Variants in GRIA1 observed in about 807,000 individuals in gnomAD.
GRIA1 encodes glutamate ionotropic receptor AMPA type subunit 1.
A neutral mutation model predicts 99.2 loss-of-function variants in GRIA1; 31 were observed. That is an observed-to-expected ratio of 0.31 (90% CI 0.23 to 0.42). The LOEUF is 0.42. Among genes scored for constraint, GRIA1 ranks in the 10% least tolerant of loss-of-function variants. The probability of loss-of-function intolerance (pLI) is 1.00; values close to 1 mark genes in which losing one functional copy is unlikely to be tolerated. For synonymous variants in GRIA1, 438 were observed against 432.4 expected, an observed-to-expected ratio of 1.01 and a Z score of -0.16; for missense variants, 782 against 1,157.5, an observed-to-expected ratio of 0.68 and a Z score of 4.71.
chr5:153,760,526 A>T (rs1469717624), intron 11 of GRIA1, among the ~76,000 whole-genome samples: 2 of 152,144 alleles, frequency 1.3e-5, no homozygotes, highest in African/African-American at 4.8e-5. Flanking sequence ...GAAATTTAAG[A>T]GGACACAAGC....
At chr5:153,726,213 C>T (rs993275044) in intron 11 of GRIA1, among the ~76,000 whole-genome samples, 2 of 150,306 alleles carry the variant, frequency 1.3e-5, no homozygotes, top group Admixed American at 1.3e-4. Flanking sequence ...ACACAACATA[C>T]CAGAATCTCT....
intron 2 of GRIA1, among the ~76,000 whole-genome samples, chr5:153,540,921 T>C (rs1227509150): frequency 1.3e-5 from 2 of 152,176 alleles, no homozygotes; most frequent in African/African-American, 2.4e-5. Context: ...AACGTTGGTG[T>C]GGCTGGAGCT....
chr5:153,634,171 A>G (rs1029026355), intron 2 of GRIA1, among the ~76,000 whole-genome samples: 1 of 151,926 alleles, frequency 6.6e-6, no homozygotes, highest in Admixed American at 6.6e-5. Flanking sequence ...AAAAAAAATT[A>G]GCCAGTCGTG....
At chr5:153,589,850 G>A (rs561179398) in intron 2 of GRIA1, among the ~76,000 whole-genome samples, 2 of 152,256 alleles carry the variant, frequency 1.3e-5, no homozygotes, top group South Asian at 4.1e-4. Context: ...TATGGAAAAA[G>A]AGGGAAGATG....
chr5:153,736,517 C>A (rs961918159), intron 11 of GRIA1, among the ~76,000 whole-genome samples: 1 of 152,178 alleles, frequency 6.6e-6, no homozygotes, highest in African/African-American at 2.4e-5. Context: ...ATTCATAGTT[C>A]CTGTTTATCA....
chr5:153,618,670 A>G (rs1766743300), intron 2 of GRIA1, among the ~76,000 whole-genome samples: 1 of 152,212 alleles, frequency 6.6e-6, no homozygotes, highest in African/African-American at 2.4e-5. Flanking sequence ...AGGGAGTTAT[A>G]ATATGCACAA....
intron 11 of GRIA1, among the ~76,000 whole-genome samples, chr5:153,752,474 T>A (rs1762566339): frequency 6.6e-6 from 1 of 152,218 alleles, no homozygotes; most frequent in South Asian, 2.1e-4. Flanking sequence ...ATGATGATGA[T>A]GGCTTAACAG....
At chr5:153,606,131 G>A (rs1765416905) in intron 2 of GRIA1, among the ~76,000 whole-genome samples, 1 of 151,930 alleles carries the variant, frequency 6.6e-6, no homozygotes, top group African/African-American at 2.4e-5. Flanking sequence ...ATAGTATAGG[G>A]GTCTAGAATC....
At chr5:153,795,677 G>A (rs999836558) in intron 14 of GRIA1, 2 of 720,982 alleles carry the variant, frequency 2.8e-6, no homozygotes, top group Non-Finnish European at 4.7e-6. Context: ...GAGAGGCTTG[G>A]AGGCCTTAGA....
At chr5:153,625,024 AGAG>A (rs900335218) in intron 2 of GRIA1, among the ~76,000 whole-genome samples, 1 of 152,222 alleles carries the variant, frequency 6.6e-6, no homozygotes, top group Admixed American at 6.5e-5. Flanking sequence ...AAGTCAGCAC[AGAG>A]AAGATGCCTT....
At chr5:153,720,120 T>G (rs1759950380) in intron 11 of GRIA1, among the ~76,000 whole-genome samples, 1 of 152,222 alleles carries the variant, frequency 6.6e-6, no homozygotes, top group South Asian at 2.1e-4. Context: ...ATATAGTTTC[T>G]TATCTCATCA....
chr5:153,624,157 A>C (rs1295701655), intron 2 of GRIA1, among the ~76,000 whole-genome samples: 1 of 152,214 alleles, frequency 6.6e-6, no homozygotes, highest in African/African-American at 2.4e-5. Flanking sequence ...CATTTAACAG[A>C]TGTTTTTAAA....
intron 13 of GRIA1, among the ~76,000 whole-genome samples, chr5:153,781,319 T>C (rs1343292286): frequency 6.6e-6 from 1 of 152,076 alleles, no homozygotes; most frequent in Non-Finnish European, 1.5e-5. Context: ...ATCATATTCT[T>C]TATTCCCATG....
At position 153,590,745 on chromosome 5, in the gene GRIA1, A is replaced by G. The variant is rs201338123; in HGVS notation, c.221-56183A>G. Among the ~76,000 whole-genome samples the G allele has an allele frequency of 2.1e-4, 32 of 152,324 alleles. No individual in the cohort carries two copies. The East Asian group carries it at 5.0e-3, about 24-fold the overall frequency. ...TTTTACCTCTTCAAAACTGTTATCT[A>G]TACCAAGTTATCATAAAAGCAGTAA... On this transcript the variant is annotated intron_variant, in intron 2 of 15. Transcript: ENST00000285900.
intron 2 of GRIA1, among the ~76,000 whole-genome samples, chr5:153,602,884 T>C (rs1384491162): frequency 6.6e-6 from 1 of 152,202 alleles, no homozygotes; most frequent in African/African-American, 2.4e-5. Flanking sequence ...TAAGTTCTTT[T>C]CTTTCTGTCC....
chr5:153,752,246 A>G (rs556381586), intron 11 of GRIA1, among the ~76,000 whole-genome samples: 5 of 152,166 alleles, frequency 3.3e-5, no homozygotes, highest in Admixed American at 3.3e-4. Context: ...TCTATTTTAT[A>G]TCTATCTCCT....
intron 6 of GRIA1, 40 bp from the exon 7 acceptor site, chr5:153,676,954 G>T: frequency 7.4e-7 from 1 of 1,343,042 alleles, no homozygotes; most frequent in Non-Finnish European, 9.6e-7. Context: ...CTTCCTGTCA[G>T]CTCTCTTTGA....
chr5:153,692,952 A>G (rs987058028), intron 8 of GRIA1, among the ~76,000 whole-genome samples: 6 of 152,220 alleles, frequency 3.9e-5, no homozygotes, highest in African/African-American at 1.4e-4. Flanking sequence ...GAACTCAGAT[A>G]AAGTTACACA....
chr5:153,577,332 A>T (rs1762657716), intron 2 of GRIA1, among the ~76,000 whole-genome samples: 1 of 152,202 alleles, frequency 6.6e-6, no homozygotes, highest in East Asian at 1.9e-4. Context: ...ATGCCCTGCA[A>T]TCATTTATCT....
Sources: gnomAD v4.1 joint callset for allele counts (sites outside exome capture counted in the v4.1 genomes callset) on GRCh38, gnomAD v4.1.1 for gene constraint, MANE v1.5 for transcripts, NCBI Gene and HGNC (gene_info 2026-07-23, HGNC 2026-07-21) for gene names.